GPR107: variants seen among roughly 807,000 people sequenced by gnomAD.
GPR107 encodes the protein protein GPR107.
GPR107 carries 31 observed loss-of-function variants against 75.5 expected under a neutral mutation model. The observed-to-expected ratio is 0.41, with a 90% CI of 0.31 to 0.55. GPR107 has a LOEUF of 0.55. Among genes scored for constraint, GPR107 ranks in the 20% least tolerant of loss-of-function variants. The probability of loss-of-function intolerance (pLI) is 0.26; values close to 1 mark genes in which losing one functional copy is unlikely to be tolerated. For synonymous variants in GPR107, 267 were observed against 251.3 expected (o/e 1.06, Z -0.59); for missense variants, 572 against 665.7 (o/e 0.86, Z 1.55).
rs932538803 is a variant in GPR107 at position 130,056,399 on chromosome 9, A to G, written c.141+2326A>G. ...CAGGAGTAGGAAGTTGCAGTGAGCC[A>G]AGATTGAGCCCCTGTACTCCAGCCT... On this transcript the variant is annotated intron_variant, in intron 1 of 17. Coordinates refer to ENST00000347136, the MANE Select transcript of GPR107 (RefSeq NM_020960.5). Among the ~76,000 whole-genome samples, 32 of 152,164 alleles carry G rather than the reference A, an allele frequency of 2.1e-4. No homozygotes were observed. The East Asian group carries it at 5.0e-3, about 24-fold the overall frequency.
Position 130,072,600 on chromosome 9 carries a change from C to A in GPR107, c.142-3036C>A, listed in dbSNP as rs146496968. 7.8e-3 allele frequency among the ~76,000 whole-genome samples: 1,180 copies of A among 152,146 alleles called. 15 individuals are homozygous for A. The highest frequency in any genetic ancestry group is 0.027 in the African/African-American group (1,115 of 41,506). ...GGGATTACTGCCATGAGCCATCGTGCCCAGCCGATGCTGTTTTTATTGTTT... is the reference window on the plus strand; with the variant it reads ...GGGATTACTGCCATGAGCCATCGTGACCAGCCGATGCTGTTTTTATTGTTT... On this transcript the variant is annotated intron_variant, in intron 1 of 17. Transcript: ENST00000347136.
chr9:130,101,948 G>A (rs913836450), intron 12 of GPR107, among the ~76,000 whole-genome samples: 6 of 152,170 alleles, frequency 3.9e-5, no homozygotes, highest in African/African-American at 2.4e-5. Flanking sequence ...CAGATCAGCC[G>A]TCCCAACTCT....
chr9:130,100,743 A>G (rs755847721), intron 11 of GPR107, 41 bp downstream of exon 11: 9 of 1,447,278 alleles, frequency 6.2e-6, no homozygotes, highest in South Asian at 1.1e-5. Context: ...ATGAAATGAC[A>G]TACAAGACAA....
At chr9:130,130,935 T>C (rs1326270538) in intron 17 of GPR107, among the ~76,000 whole-genome samples, 2 of 150,636 alleles carry the variant, frequency 1.3e-5, no homozygotes, top group Non-Finnish European at 2.9e-5. Context: ...CCACATTTGA[T>C]TGCAGTCTTG....
intron 9 of GPR107, among the ~76,000 whole-genome samples, chr9:130,094,241 G>A (rs58383722): frequency 2.6e-5 from 4 of 152,082 alleles, no homozygotes; most frequent in South Asian, 2.1e-4. Context: ...TCAGGAGATC[G>A]AGACCATCCT....
chr9:130,087,805 C>CATAAAAAAAA (rs1830649341), intron 7 of GPR107, among the ~76,000 whole-genome samples: 2 of 87,634 alleles, frequency 2.3e-5, no homozygotes, highest in African/African-American at 9.0e-5. Flanking sequence ...GACCCTGTCT[C>CATAAAAAAAA]AAAAAAAAAA....
chr9:130,105,919 C>A lies in GPR107; in HGVS notation c.1262+1369C>A, dbSNP rs548232122. Among the ~76,000 whole-genome samples the A allele has an allele frequency of 3.4e-4, 51 of 152,156 alleles. 1 individual carries two copies. Among genetic ancestry groups the A allele is most frequent in the African/African-American group, 1.2e-3 (49 of 41,522 alleles). ...AAGTGATCTTCCCACCTCAGCCTCC[C>A]AAAGTGCTGGGATTATAGGCATGAG... On this transcript the variant is annotated intron_variant, in intron 13 of 17. Transcript: ENST00000347136.
At chr9:130,084,047 CATATATAT>C (rs139002438) in intron 6 of GPR107, among the ~76,000 whole-genome samples, 2 of 130,912 alleles carry the variant, frequency 1.5e-5, no homozygotes, top group East Asian at 2.2e-4. Context: ...AGAGAGCTAA[CATATATAT>C]ATATATATAT....
intron 9 of GPR107, among the ~76,000 whole-genome samples, chr9:130,097,545 T>C (rs1830906133): frequency 6.6e-6 from 1 of 152,220 alleles, no homozygotes; most frequent in African/African-American, 2.4e-5. Context: ...TAAGGTTTGC[T>C]GTTTCTCCAC....
chr9:130,111,448 C>T (rs1436215174), intron 14 of GPR107, among the ~76,000 whole-genome samples: 1 of 152,136 alleles, frequency 6.6e-6, no homozygotes, highest in African/African-American at 2.4e-5. Context: ...GAGAAGATCA[C>T]TTGAGCCCAG....
chr9:130,057,836 A>ATT (rs71387306), intron 1 of GPR107, among the ~76,000 whole-genome samples: 516 of 146,452 alleles, frequency 3.5e-3, no homozygotes, highest in African/African-American at 6.3e-3. Flanking sequence ...TATTATTATT[A>ATT]TTTTTTTTTT....
At chr9:130,114,736 A>T (rs1454344579) in intron 14 of GPR107, 1 of 1,005,382 alleles carries the variant, frequency 9.9e-7, no homozygotes. Context: ...TAACCGAAAA[A>T]CTTGGGGTCT....
intron 1 of GPR107, among the ~76,000 whole-genome samples, chr9:130,067,752 C>CCCCCCT: frequency 8.6e-6 from 1 of 116,842 alleles, no homozygotes; most frequent in African/African-American, 3.2e-5. Flanking sequence ...CCACCGCCCC[C>CCCCCCT]TTTTTTTTTT....
At chr9:130,109,553 C>CAGGT (rs956899013) in intron 14 of GPR107, among the ~76,000 whole-genome samples, 1 of 144,358 alleles carries the variant, frequency 6.9e-6, no homozygotes, top group Non-Finnish European at 1.5e-5. Flanking sequence ...ACTTGGTGAA[C>CAGGT]AGGTAGTCTT....
At chr9:130,062,280 G>A (rs1829943256) in intron 1 of GPR107, among the ~76,000 whole-genome samples, 2 of 150,908 alleles carry the variant, frequency 1.3e-5, no homozygotes, top group Admixed American at 1.3e-4. Flanking sequence ...CGGCGTGGTG[G>A]CGCATGCCTG....
In GPR107 at chr9:130,097,895, G is replaced by A. The variant is rs192253220; in HGVS notation, c.864-1562G>A. Among the ~76,000 whole-genome samples, 430 of 151,014 alleles carry A rather than the reference G, an allele frequency of 2.8e-3. 6 individuals are homozygous for A. Among genetic ancestry groups the A allele is most frequent in the African/African-American group, 0.01 (411 of 40,984 alleles). ...CTTAATTTTTGTTTGTTTTGAGACC[G>A]TTTTGAGACAGGGACTCGCTCTGTC... On this transcript the variant is annotated intron_variant, in intron 9 of 17. Transcript: ENST00000347136.
intron 6 of GPR107, among the ~76,000 whole-genome samples, chr9:130,084,087 TACAC>T (rs1159916029): frequency 7.3e-6 from 1 of 136,530 alleles, no homozygotes; most frequent in African/African-American, 2.6e-5. Flanking sequence ...CATACATACA[TACAC>T]ACACACGCAT....
chr9:130,135,344 A>T lies in GPR107; in HGVS notation c.*223A>T. 7.8e-4 allele frequency: 257 copies of T among 331,214 alleles called. No homozygotes were observed. The highest frequency in any genetic ancestry group is 1.0e-3 in the Non-Finnish European group (187 of 178,320). 20.5% of individuals were successfully genotyped at this position (331,214 alleles called of 1,614,324 possible). ...CAGCTGGATCCTCTTTCAGGCGGGA[A>T]TGGGAGGGCGGGCACAGGGAGGAGG... On this transcript the variant is annotated 3_prime_UTR_variant, in exon 18 of 18. Coordinates refer to ENST00000347136, the MANE Select transcript of GPR107 (RefSeq NM_020960.5).
intron 8 of GPR107, 26 bp from the exon 9 acceptor site, chr9:130,092,222 A>G (rs1830755463): frequency 1.3e-6 from 2 of 1,598,062 alleles, no homozygotes; most frequent in South Asian, 2.2e-5. Flanking sequence ...TCTGAAAAGT[A>G]AAAATTAATT....
Sources: gnomAD v4.1 joint callset for allele counts (sites outside exome capture counted in the v4.1 genomes callset) on GRCh38, gnomAD v4.1.1 for gene constraint, MANE v1.5 for transcripts, NCBI Gene and HGNC (gene_info 2026-07-23, HGNC 2026-07-21) for gene names.